The following TEK variants were observed in gnomAD, a reference collection of about 807,000 sequenced individuals.
TEK encodes angiopoietin-1 receptor.
TEK carries 43 observed loss-of-function variants against 131.8 expected under a neutral mutation model. The observed-to-expected ratio is 0.33, with a 90% CI of 0.26 to 0.42. The LOEUF (loss-of-function observed/expected upper bound fraction) is 0.42. Among genes scored for constraint, TEK ranks in the 10% least tolerant of loss-of-function variants. The pLI is 1.00. For synonymous variants in TEK, 580 were observed against 491.6 expected, an observed-to-expected ratio of 1.18 and a Z score of -2.38; for missense variants, 1,162 against 1,384.4, an observed-to-expected ratio of 0.84 and a Z score of 2.55.
At chr9:27,179,075 C>G (rs1824269724) in intron 6 of TEK, among the ~76,000 whole-genome samples, 1 of 152,116 alleles carries the variant, frequency 6.6e-6, no homozygotes, top group Admixed American at 6.5e-5. Flanking sequence ...TCTTGGACCT[C>G]CAGTTACATG....
chr9:27,217,671 C>G lies in TEK; in HGVS notation c.2992-17C>G, dbSNP rs1410856884. 1 of 1,613,142 alleles carries G rather than the reference C, an allele frequency of 6.2e-7. No homozygotes were observed. The highest frequency in any genetic ancestry group is 8.5e-7 in the Non-Finnish European group (1 of 1,179,294). ...ACCCTGTCCCAGTTAAGTGAAATCT[C>G]ACTTTGTTCTCTCCAGGGAAGGCTC... On this transcript the variant is annotated splice_polypyrimidine_tract_variant and intron_variant, in intron 18 of 22. Transcript: ENST00000380036.
At chr9:27,189,692 G>A (rs1207813577) in intron 9 of TEK, among the ~76,000 whole-genome samples, 5 of 152,150 alleles carry the variant, frequency 3.3e-5, no homozygotes, top group African/African-American at 1.2e-4. Flanking sequence ...GCCAAGGAAT[G>A]CAGGCAGTCT....
intron 2 of TEK, among the ~76,000 whole-genome samples, chr9:27,165,899 A>G (rs941847546): frequency 6.6e-6 from 1 of 152,276 alleles, no homozygotes; most frequent in Non-Finnish European, 1.5e-5. Flanking sequence ...CACAGCCCAC[A>G]GCCGATGAAA....
chr9:27,146,508 A>G (rs998973443), intron 1 of TEK, among the ~76,000 whole-genome samples: 1 of 152,174 alleles, frequency 6.6e-6, no homozygotes, highest in African/African-American at 2.4e-5. Flanking sequence ...TTAGAATGTC[A>G]TATAAATGCA....
In TEK at chr9:27,197,407, G is replaced by T. The variant is rs1417648283; in HGVS notation, c.1717G>T (p.Asp573Tyr). The T allele has an allele frequency of 1.2e-6, 2 of 1,614,158 alleles. No individual in the cohort carries two copies. Among genetic ancestry groups the T allele is most frequent in the South Asian group, 1.1e-5 (1 of 91,074 alleles). ...ACCAATATTTCCAAGCTCGGAAGAT[G>T]ACTTTTATGTTGAAGTGGAGAGAAG... ...WQPIFPSSED[D>Y]FYVEVERRSV... The change falls in exon 12 of 23, where the codon GAC becomes TAC. Residue 573 changes from aspartate (D) to tyrosine (Y), a missense_variant. Asp to Tyr is a radical substitution (Grantham distance 160). This residue lies in a region of TEK where 477 missense variants were observed against 471.0 expected (regional missense o/e 1.01). Coordinates refer to ENST00000380036, the MANE Select transcript of TEK (RefSeq NM_000459.5).
chr9:27,175,721 T>C (rs1479942095), intron 6 of TEK, among the ~76,000 whole-genome samples: 14 of 151,772 alleles, frequency 9.2e-5, no homozygotes, highest in Non-Finnish European at 1.3e-4. Flanking sequence ...TTTTGATTTG[T>C]ATTTCTCTGA....
At chr9:27,141,532 A>G (rs1173244696) in intron 1 of TEK, among the ~76,000 whole-genome samples, 1 of 152,172 alleles carries the variant, frequency 6.6e-6, no homozygotes, top group Non-Finnish European at 1.5e-5. Context: ...AGTTATTTTC[A>G]AGAGGAACTT....
intron 7 of TEK, 74 bp downstream of exon 7, chr9:27,180,442 T>G: frequency 1.9e-6 from 3 of 1,560,460 alleles, no homozygotes; most frequent in East Asian, 2.4e-5. Context: ...GTAATTCTTG[T>G]GCCGGCATTC....
intron 18 of TEK, among the ~76,000 whole-genome samples, chr9:27,215,245 C>A (rs935115377): frequency 6.6e-6 from 1 of 152,128 alleles, no homozygotes; most frequent in African/African-American, 2.4e-5. Context: ...GGTCTCAACT[C>A]TATCTTACAA....
chr9:27,163,482 A>G (rs915310451), intron 2 of TEK, among the ~76,000 whole-genome samples: 2 of 152,204 alleles, frequency 1.3e-5, no homozygotes, highest in Non-Finnish European at 2.9e-5. Flanking sequence ...GGTGAGGCTG[A>G]GGAGAAAAGG....
Position 27,185,625 on chromosome 9 carries a change from T to G in TEK, c.1323T>G (p.Val441=), listed in dbSNP as rs199580378. 2 of 1,613,636 alleles carry G rather than the reference T, an allele frequency of 1.2e-6. No individual in the cohort carries two copies. The highest frequency in any genetic ancestry group is 2.2e-5 in the East Asian group (1 of 44,852). The change falls in exon 9 of 23, where the codon GTT becomes GTG. Residue 441 remains valine, a synonymous_variant. Coordinates refer to ENST00000380036, the MANE Select transcript of TEK (RefSeq NM_000459.5). ...GMVEKPFNIS[V]KVLPKPLNAP... ...TGGAAAAGCCCTTCAACATTTCTGT[T>G]AAAGGTAAGTTCATTTCCCAGAAAA... is the stretch of plus-strand genomic sequence containing the variant.
At chr9:27,211,708 A>T (rs1216969125) in intron 16 of TEK, among the ~76,000 whole-genome samples, 1 of 152,028 alleles carries the variant, frequency 6.6e-6, no homozygotes, top group Non-Finnish European at 1.5e-5. Flanking sequence ...GGGCTCAAGC[A>T]ATCCATCTGC....
At chr9:27,173,664 T>C (rs1424022245) in intron 6 of TEK, among the ~76,000 whole-genome samples, 1 of 151,564 alleles carries the variant, frequency 6.6e-6, no homozygotes, top group Admixed American at 6.6e-5. Context: ...GGCTCCCAAG[T>C]AGTTCCGATG....
At chr9:27,217,844 TG>T in intron 19 of TEK, 86 bp downstream of exon 19, 17 of 1,215,474 alleles carry the variant, frequency 1.4e-5, no homozygotes, top group Non-Finnish European at 2.1e-5. Context: ...GATACAGGAA[TG>T]TCCTGTAGCT....
intron 21 of TEK, among the ~76,000 whole-genome samples, chr9:27,221,992 A>G (rs1826103383): frequency 6.6e-6 from 1 of 152,228 alleles, no homozygotes; most frequent in African/African-American, 2.4e-5. Context: ...AAGAACGTTG[A>G]AAAAAGGTTA....
chr9:27,150,244 C>A (rs111601640), intron 1 of TEK, among the ~76,000 whole-genome samples: 100 of 152,316 alleles, frequency 6.6e-4, no homozygotes, highest in African/African-American at 2.0e-3. Context: ...TGAGGGCTGG[C>A]TCTACCACTA....
At chr9:27,125,845 C>T (rs1352610140) in intron 1 of TEK, among the ~76,000 whole-genome samples, 2 of 152,034 alleles carry the variant, frequency 1.3e-5, no homozygotes, top group Non-Finnish European at 2.9e-5. Flanking sequence ...TGTTCCATTC[C>T]ATCCCACCTC....
At chr9:27,196,987 A>T (rs893668295) in intron 11 of TEK, among the ~76,000 whole-genome samples, 4 of 149,872 alleles carry the variant, frequency 2.7e-5, no homozygotes, top group Admixed American at 2.0e-4. Flanking sequence ...AACTTTAGGT[A>T]TATCTCCTAA....
chr9:27,187,447 G>GTA (rs1405359074), intron 9 of TEK, among the ~76,000 whole-genome samples: 2 of 152,088 alleles, frequency 1.3e-5, no homozygotes, highest in Non-Finnish European at 2.9e-5. Flanking sequence ...CCACCCCTAG[G>GTA]TATATGCTCA....
Sources: gnomAD v4.1 joint callset for allele counts (sites outside exome capture counted in the v4.1 genomes callset) on GRCh38, gnomAD v4.1.1 for gene constraint, gnomAD v4.1.1 regional missense constraint, MANE v1.5 for transcripts, NCBI Gene and HGNC (gene_info 2026-07-23, HGNC 2026-07-21) for gene names.